Variants in DAB1 observed in about 807,000 individuals in gnomAD.
The protein encoded by DAB1 is DAB adaptor protein 1, also known as disabled homolog 1.
In DAB1, 15 loss-of-function variants were observed where a neutral mutation model predicts 64.6. The ratio of observed to expected loss-of-function variants is 0.23; its 90% CI spans 0.16 to 0.36. The LOEUF (loss-of-function observed/expected upper bound fraction) is 0.36, where lower values mean the gene tolerates loss of function less well. Ranked by LOEUF, DAB1 falls within the 10% of genes least tolerant of loss-of-function variation. DAB1 has a pLI of 1.00. For missense variants in DAB1, 596 were observed against 706.7 expected (o/e 0.84, Z 1.78); for synonymous variants, 235 against 251.9 (o/e 0.93, Z 0.64).
chr1:57,446,598 C>CGCA (rs1558388866), intron 7 of DAB1, among the ~76,000 whole-genome samples: 1 of 132,800 alleles, frequency 7.5e-6, no homozygotes, highest in Admixed American at 7.4e-5. Context: ...AACTCCGTTG[C>CGCA]AAAAAAAAAA....
chr1:57,372,225 T>C (rs983189748), intron 1 of DAB1, among the ~76,000 whole-genome samples: 2 of 152,222 alleles, frequency 1.3e-5, no homozygotes, highest in African/African-American at 2.4e-5. Context: ...AATTTCTCTA[T>C]AGACACCATA....
intron 6 of DAB1, among the ~76,000 whole-genome samples, chr1:57,677,202 T>C (rs191916554): frequency 1.3e-5 from 2 of 152,314 alleles, no homozygotes; most frequent in Non-Finnish European, 2.9e-5. Context: ...ATCCTGATGA[T>C]ACCTTGATCT....
chr1:57,958,583 T>C (rs1464181794), intron 5 of DAB1, among the ~76,000 whole-genome samples: 1 of 152,124 alleles, frequency 6.6e-6, no homozygotes, highest in Non-Finnish European at 1.5e-5. Context: ...GAAAAGAGGA[T>C]TCAGAATAGG....
chr1:58,363,007 C>T (rs1644182116), intron 3 of DAB1, among the ~76,000 whole-genome samples: 2 of 152,238 alleles, frequency 1.3e-5, no homozygotes, highest in African/African-American at 4.8e-5. Flanking sequence ...TCACTGTCTG[C>T]TCACATGGCA....
chr1:58,300,673 G>A lies in DAB1; in HGVS notation n.309+42679C>T, dbSNP rs1181783869. Among the ~76,000 whole-genome samples, 53 of 135,376 alleles carry A rather than the reference G, an allele frequency of 3.9e-4. 1 individual carries two copies. Among genetic ancestry groups the A allele is most frequent in the African/African-American group, 1.5e-3 (51 of 33,446 alleles). 88.8% of individuals were successfully genotyped at this position (135,376 alleles called of 152,430 possible). A position where few individuals can be genotyped will look rare whatever the true frequency, so the allele number is the denominator to read the frequency against. Reference sequence around the variant, plus strand: ...GGAAGGAAGGAAGGAAGGAAGGAAGGAAGGAAGGAAGGAAGGAAGGAAGGA... The same window carrying A: ...GGAAGGAAGGAAGGAAGGAAGGAAGAAAGGAAGGAAGGAAGGAAGGAAGGA... On this transcript the variant is annotated intron_variant and non_coding_transcript_variant, in intron 4 of 20. Transcript: ENST00000485760.
chr1:57,599,662 A>T (rs1425718380), intron 7 of DAB1, among the ~76,000 whole-genome samples: 1 of 152,176 alleles, frequency 6.6e-6, no homozygotes, highest in African/African-American at 2.4e-5. Flanking sequence ...CCTGGAGAGC[A>T]GGTGCTTGCC....
At chr1:57,189,003 T>C (rs995217249) in intron 2 of DAB1, among the ~76,000 whole-genome samples, 8 of 152,188 alleles carry the variant, frequency 5.3e-5, no homozygotes, top group African/African-American at 1.9e-4. Flanking sequence ...TCTCATAGCT[T>C]GGAGGAGGGG....
chr1:57,363,972 T>C (rs1012427374), intron 1 of DAB1, among the ~76,000 whole-genome samples: 1 of 152,164 alleles, frequency 6.6e-6, no homozygotes, highest in African/African-American at 2.4e-5. Flanking sequence ...AAATTGAATA[T>C]CCATTCCTAT....
intron 3 of DAB1, among the ~76,000 whole-genome samples, chr1:57,138,251 A>C (rs1207494018): frequency 6.6e-6 from 1 of 152,096 alleles, no homozygotes. Flanking sequence ...GAAAACCTTA[A>C]AACTAATAGA....
intron 6 of DAB1, among the ~76,000 whole-genome samples, chr1:57,742,531 C>T (rs1016410584): frequency 6.6e-6 from 1 of 151,802 alleles, no homozygotes; most frequent in African/African-American, 2.4e-5. Flanking sequence ...GGGCAGGAGG[C>T]CTGTAGGAGT....
intron 6 of DAB1, among the ~76,000 whole-genome samples, chr1:57,736,883 T>G (rs746498495): frequency 4.1e-4 from 62 of 152,112 alleles, no homozygotes; most frequent in Admixed American, 7.9e-4. Flanking sequence ...CTGAAACAGG[T>G]GGTTCATTCA....
intron 4 of DAB1, among the ~76,000 whole-genome samples, chr1:58,328,579 T>C (rs1203840936): frequency 6.6e-6 from 1 of 152,164 alleles, no homozygotes; most frequent in Non-Finnish European, 1.5e-5. Context: ...AAAGACTTCA[T>C]GTGCTTCCTT....
intron 1 of DAB1, among the ~76,000 whole-genome samples, chr1:57,403,743 T>G (rs1440047517): frequency 6.6e-6 from 1 of 152,222 alleles, no homozygotes; most frequent in Non-Finnish European, 1.5e-5. Flanking sequence ...GTTCACTCTA[T>G]TCTTTGAACC....
chr1:57,173,808 AT>A (rs36067405), intron 2 of DAB1, among the ~76,000 whole-genome samples: 94 of 149,804 alleles, frequency 6.3e-4, no homozygotes, highest in African/African-American at 1.7e-3. Flanking sequence ...TAGAGAGTAC[AT>A]TTTTTTTTTC....
chr1:58,422,818 A>C (rs1404728297), intron 3 of DAB1, among the ~76,000 whole-genome samples: 2 of 152,086 alleles, frequency 1.3e-5, no homozygotes, highest in Admixed American at 1.3e-4. Context: ...ACTGCAAAAA[A>C]AAAGAAAAAA....
At chr1:57,179,708 C>T (rs777440990) in intron 2 of DAB1, among the ~76,000 whole-genome samples, 2 of 151,966 alleles carry the variant, frequency 1.3e-5, no homozygotes, top group African/African-American at 2.4e-5. Context: ...ATTGGGGAAA[C>T]GGTGAAATTC....
chr1:57,389,820 T>TC (rs907701571), intron 1 of DAB1, among the ~76,000 whole-genome samples: 1 of 151,998 alleles, frequency 6.6e-6, no homozygotes, highest in East Asian at 1.9e-4. Context: ...GATACCTAAC[T>TC]CCCCCCATAG....
At chr1:58,244,002 C>T (rs1288747834) in intron 4 of DAB1, among the ~76,000 whole-genome samples, 1 of 151,648 alleles carries the variant, frequency 6.6e-6, no homozygotes, top group African/African-American at 2.4e-5. Flanking sequence ...AGAGTAGCAA[C>T]AAGGATCAGT....
chr1:57,424,816 C>T (rs1570503712), upstream of DAB1, among the ~76,000 whole-genome samples: 1 of 152,122 alleles, frequency 6.6e-6, no homozygotes, highest in African/African-American at 2.4e-5. Context: ...GTCAAGTTTC[C>T]GTCAGTCCTC....
Sources: gnomAD v4.1 joint callset for allele counts (sites outside exome capture counted in the v4.1 genomes callset) on GRCh38, gnomAD v4.1.1 for gene constraint, MANE v1.5 for transcripts, NCBI Gene and HGNC (gene_info 2026-07-23, HGNC 2026-07-21) for gene names.